The following SH2D4A variants were observed in gnomAD, a reference collection of about 807,000 sequenced individuals.
The protein encoded by SH2D4A is SH2 domain containing 4A.
A neutral mutation model predicts 64.7 loss-of-function variants in SH2D4A; 70 were observed. The ratio of observed to expected loss-of-function variants is 1.08; its 90% CI spans 0.89 to 1.32. The LOEUF (loss-of-function observed/expected upper bound fraction) is 1.32. SH2D4A is among the 40% of genes most tolerant of loss of function. The pLI is 0.00. For synonymous variants in SH2D4A, 268 were observed against 200.7 expected (o/e 1.34, Z -2.83); for missense variants, 706 against 540.1 (o/e 1.31, Z -3.04).
chr8:19,366,364 G>A (rs2052994268), intron 7 of SH2D4A, among the ~76,000 whole-genome samples: 1 of 152,248 alleles, frequency 6.6e-6, no homozygotes, highest in South Asian at 2.1e-4. Flanking sequence ...ACTGTTGACT[G>A]TGGTTACCGT....
chr8:19,334,565 A>G, intron 3 of SH2D4A, 121 bp from the exon 4 acceptor site: 1 of 1,052,718 alleles, frequency 9.5e-7, no homozygotes, highest in Non-Finnish European at 1.3e-6. Flanking sequence ...GCATGTTAGA[A>G]GCACTCAGTA....
intron 7 of SH2D4A, among the ~76,000 whole-genome samples, chr8:19,367,946 C>G (rs1054978672): frequency 3.9e-5 from 6 of 152,144 alleles, no homozygotes; most frequent in African/African-American, 9.7e-5. Context: ...CTTGCTCAGA[C>G]TGATGTCCTC....
At chr8:19,349,914 G>A (rs549275663) in intron 4 of SH2D4A, among the ~76,000 whole-genome samples, 62 of 152,274 alleles carry the variant, frequency 4.1e-4, no homozygotes, top group Non-Finnish European at 7.6e-4. Context: ...ATGTTGGCCA[G>A]GCTGGTCTCA....
At chr8:19,391,017 G>C (rs763349274) in intron 8 of SH2D4A, among the ~76,000 whole-genome samples, 1 of 152,114 alleles carries the variant, frequency 6.6e-6, no homozygotes, top group Non-Finnish European at 1.5e-5. Flanking sequence ...ATAGTGAGCC[G>C]TCAGCCTAGG....
chr8:19,369,091 G>A (rs1478393279), intron 7 of SH2D4A, among the ~76,000 whole-genome samples: 2 of 152,158 alleles, frequency 1.3e-5, no homozygotes, highest in East Asian at 3.9e-4. Context: ...AGATGATCTT[G>A]TGGTCTTTGT....
chr8:19,334,933 TG>T, intron 4 of SH2D4A, 76 bp downstream of exon 4: 1 of 1,470,650 alleles, frequency 6.8e-7, no homozygotes, highest in African/African-American at 1.4e-5. Context: ...CAGAGACTAC[TG>T]TGGCTGAGTG....
chr8:19,389,323 T>TGC (rs2053445644), intron 8 of SH2D4A, among the ~76,000 whole-genome samples: 18 of 152,166 alleles, frequency 1.2e-4, no homozygotes, highest in Admixed American at 1.2e-3. Flanking sequence ...AAATGTTTAT[T>TGC]CTAGAGAGGT....
chr8:19,378,356 CATAGA>C (rs1257763041), intron 8 of SH2D4A, among the ~76,000 whole-genome samples: 1 of 152,100 alleles, frequency 6.6e-6, no homozygotes, highest in East Asian at 1.9e-4. Flanking sequence ...TTTATTTTTG[CATAGA>C]ATAGACATGG....
At chr8:19,330,557 A>G (rs1212020282) in intron 2 of SH2D4A, among the ~76,000 whole-genome samples, 1 of 151,890 alleles carries the variant, frequency 6.6e-6, no homozygotes, top group Non-Finnish European at 1.5e-5. Flanking sequence ...TGAAGCCCCA[A>G]CTGCTCACAT....
intron 1 of SH2D4A, among the ~76,000 whole-genome samples, chr8:19,317,071 A>T (rs1371059870): frequency 6.6e-6 from 1 of 152,212 alleles, no homozygotes; most frequent in African/African-American, 2.4e-5. Context: ...TGCATTCAAA[A>T]TGGGGAACAC....
chr8:19,388,124 T>C (rs1439929570), intron 8 of SH2D4A, among the ~76,000 whole-genome samples: 1 of 152,164 alleles, frequency 6.6e-6, no homozygotes, highest in Non-Finnish European at 1.5e-5. Flanking sequence ...TAAAGACTCA[T>C]TTTATTTTCG....
chr8:19,357,932 A>T (rs2052819399), intron 5 of SH2D4A, among the ~76,000 whole-genome samples: 1 of 152,040 alleles, frequency 6.6e-6, no homozygotes, highest in African/African-American at 2.4e-5. Context: ...AAGGTTCCTG[A>T]GATCGGGCTG....
Position 19,313,755 on chromosome 8 carries a change from G to T in SH2D4A, c.-273G>T. On this transcript the variant is annotated 5_prime_UTR_variant, in exon 1 of 10. Coordinates refer to ENST00000265807, the MANE Select transcript of SH2D4A (RefSeq NM_022071.4). ...CTGCCTTTCCCTCCCTCCCTTCCCC[G>T]ACGGCTTCTGGCGGCCAAGTGGATG... 1 of 1,508,316 alleles carries T rather than the reference G, an allele frequency of 6.6e-7. No individual in the cohort carries two copies. Among genetic ancestry groups the T allele is most frequent in the Admixed American group, 2.1e-5 (1 of 48,650 alleles). 93.4% of individuals were successfully genotyped at this position (1,508,316 alleles called of 1,614,324 possible).
At chr8:19,321,024 G>A (rs1368407599) in intron 2 of SH2D4A, among the ~76,000 whole-genome samples, 1 of 152,100 alleles carries the variant, frequency 6.6e-6, no homozygotes, top group East Asian at 1.9e-4. Context: ...TCATGACAAG[G>A]AAATAAACAG....
At chr8:19,367,997 T>G (rs998891112) in intron 7 of SH2D4A, among the ~76,000 whole-genome samples, 2 of 152,190 alleles carry the variant, frequency 1.3e-5, no homozygotes, top group African/African-American at 4.8e-5. Context: ...CTTCATGGCC[T>G]CATATATTCA....
rs1487185555 is a variant in SH2D4A at position 19,364,056 on chromosome 8, C to T, written c.707-16C>T. On this transcript the variant is annotated splice_polypyrimidine_tract_variant and intron_variant, in intron 6 of 9. Transcript: ENST00000265807. ...TGGGCTGATGAGGGTTTTCTCCGAC[C>T]CCGTTGTTTTTCCAGTGCGAAAATC... 19 of 1,613,296 alleles carry T rather than the reference C, an allele frequency of 1.2e-5. No individual in the cohort carries two copies. The South Asian group carries it at 1.9e-4, about 16-fold the overall frequency.
At chr8:19,317,227 G>C (rs1402829994) in intron 1 of SH2D4A, among the ~76,000 whole-genome samples, 1 of 151,378 alleles carries the variant, frequency 6.6e-6, no homozygotes, top group Non-Finnish European at 1.5e-5. Flanking sequence ...GGAGCTTGTG[G>C]ATTTCATTGG....
chr8:19,373,456 A>ATATATATATACACACACCCG (rs2053141940), intron 7 of SH2D4A, 74 bp from the exon 8 acceptor site: 1 of 952,968 alleles, frequency 1.0e-6, no homozygotes, highest in African/African-American at 2.1e-5. Context: ...ATATATATAT[A>ATATATATATACACACACCCG]TATATATATG....
At chr8:19,369,424 T>C (rs1010667664) in intron 7 of SH2D4A, among the ~76,000 whole-genome samples, 1 of 152,160 alleles carries the variant, frequency 6.6e-6, no homozygotes, top group Non-Finnish European at 1.5e-5. Flanking sequence ...TTAGTATTTC[T>C]TTAAATGATT....
Sources: allele counts gnomAD v4.1 joint callset (sites outside exome capture counted in the v4.1 genomes callset), GRCh38; gene constraint gnomAD v4.1.1; transcripts MANE v1.5; gene names NCBI Gene and HGNC (gene_info 2026-07-23, HGNC 2026-07-21).